Variants in SFMBT2 observed in about 807,000 individuals in gnomAD.
SFMBT2 encodes scm-like with four MBT domains protein 2.
SFMBT2 carries 38 observed loss-of-function variants against 110.1 expected under a neutral mutation model. The observed-to-expected ratio is 0.35, with a 90% CI of 0.27 to 0.45. The LOEUF (loss-of-function observed/expected upper bound fraction) is 0.45, where lower values mean the gene tolerates loss of function less well. Among genes scored for constraint, SFMBT2 ranks in the 20% least tolerant of loss-of-function variants. The pLI, the probability that SFMBT2 is intolerant of heterozygous loss-of-function variation, is 1.00. For missense variants in SFMBT2, 1,011 were observed against 1,094.9 expected (o/e 0.92, Z 1.08); for synonymous variants, 425 against 425.4 (o/e 1.00, Z 0.01).
intron 9 of SFMBT2, among the ~76,000 whole-genome samples, chr10:7,235,090 T>C (rs1349902801): frequency 6.6e-6 from 1 of 152,170 alleles, no homozygotes; most frequent in African/African-American, 2.4e-5. Context: ...AGCTTTCCAA[T>C]TCCGTGGGAC....
chr10:7,310,657 C>T, intron 4 of SFMBT2, among the ~76,000 whole-genome samples: 1 of 152,150 alleles, frequency 6.6e-6, no homozygotes, highest in Non-Finnish European at 1.5e-5. Context: ...TTTTCTTTTG[C>T]TAAGGCTCAT....
Position 7,381,405 on chromosome 10 carries a change from T to A in SFMBT2, c.100+394A>T, listed in dbSNP as rs529832290. Among the ~76,000 whole-genome samples, 16 of 152,342 alleles carry A rather than the reference T, an allele frequency of 1.1e-4. No individual in the cohort carries two copies. In the South Asian group the frequency reaches 3.1e-3, roughly 30 times the overall value. On this transcript the variant is annotated intron_variant, in intron 2 of 20. Coordinates refer to ENST00000397167, the MANE Select transcript of SFMBT2 (RefSeq NM_001387889.1). Reference sequence around the variant, plus strand: ...CAACTAACTTCCTGTCAAGGGGTTCTGAGCAAAAATGGCATTTGTCTCTTG... The same window carrying A: ...CAACTAACTTCCTGTCAAGGGGTTCAGAGCAAAAATGGCATTTGTCTCTTG...
intron 15 of SFMBT2, 119 bp downstream of exon 15, chr10:7,197,429 G>A (rs1478084791): frequency 7.3e-7 from 1 of 1,366,642 alleles, no homozygotes; most frequent in Non-Finnish European, 1.0e-6. Flanking sequence ...GAGAACGGAG[G>A]TCTCGGTAAA....
intron 1 of SFMBT2, among the ~76,000 whole-genome samples, chr10:7,398,666 T>G (rs939013445): frequency 6.6e-6 from 1 of 152,174 alleles, no homozygotes; most frequent in Non-Finnish European, 1.5e-5. Context: ...AGCAGAGATG[T>G]AGTCACACTG....
chr10:7,346,346 A>T (rs1458369611), intron 4 of SFMBT2, among the ~76,000 whole-genome samples: 1 of 152,198 alleles, frequency 6.6e-6, no homozygotes, highest in African/African-American at 2.4e-5. Context: ...CATTCATCTT[A>T]AACAGTAAAA....
Position 7,162,252 on chromosome 10 carries a change from C to T in SFMBT2, c.*1518G>A, listed in dbSNP as rs1448835785. 6.6e-6 allele frequency: 1 copy of T among 152,190 alleles called. No individual in the cohort carries two copies. The highest frequency in any genetic ancestry group is 1.5e-5 in the Non-Finnish European group (1 of 68,054). 9.4% of individuals were successfully genotyped at this position (152,190 alleles called of 1,614,324 possible). On this transcript the variant is annotated 3_prime_UTR_variant, in exon 21 of 21. Transcript: ENST00000397167. The stretch of plus-strand genomic sequence containing the variant: ...AAGAATGGCCGAGTCAGAACTGGGA[C>T]CAGACCCTTCTTATTCTTTCTTTTT...
chr10:7,166,231 A>C (rs1737027991), intron 20 of SFMBT2, among the ~76,000 whole-genome samples: 1 of 152,234 alleles, frequency 6.6e-6, no homozygotes, highest in African/African-American at 2.4e-5. Flanking sequence ...ATGCCCAGAA[A>C]AGCTAGCCAA....
chr10:7,172,481 C>A lies in SFMBT2; in HGVS notation c.2151+14G>T. On this transcript the variant is annotated intron_variant, in intron 18 of 20. Transcript: ENST00000397167. This position sits in a 1 kb window ranked among gnomAD's most constrained non-coding sequence, Gnocchi z 4.6. ...CAGAGCTACAGGCTGGCAGGTGCCC[C>A]GGGCAGAACATACCTCCCCCGAGCC... The A allele has an allele frequency of 1.9e-6, 3 of 1,613,222 alleles. No individual in the cohort carries two copies. Among genetic ancestry groups the A allele is most frequent in the Non-Finnish European group, 2.5e-6 (3 of 1,180,028 alleles).
intron 2 of SFMBT2, among the ~76,000 whole-genome samples, chr10:7,377,955 T>TTG (rs1275161102): frequency 2.7e-5 from 1 of 36,614 alleles, no homozygotes; most frequent in African/African-American, 6.7e-5. Flanking sequence ...CCCCAAAATT[T>TTG]TGTGTGGGGG....
At chr10:7,188,113 A>T (rs1838476379) in intron 16 of SFMBT2, among the ~76,000 whole-genome samples, 1 of 152,242 alleles carries the variant, frequency 6.6e-6, no homozygotes, top group Non-Finnish European at 1.5e-5. Context: ...CAAATAAAAG[A>T]AAGTTACTTG....
intron 4 of SFMBT2, among the ~76,000 whole-genome samples, chr10:7,313,644 TTTTTGC>T (rs1262833983): frequency 1.3e-5 from 2 of 152,116 alleles, no homozygotes; most frequent in African/African-American, 4.8e-5. Flanking sequence ...TTTGTTTTTG[TTTTTGC>T]TGTTTTGTTT....
chr10:7,210,803 T>C (rs1839322690), intron 11 of SFMBT2, among the ~76,000 whole-genome samples: 1 of 151,900 alleles, frequency 6.6e-6, no homozygotes, highest in South Asian at 2.1e-4. Flanking sequence ...GCCGAAGGCC[T>C]GGGAAAACAA....
At chr10:7,257,416 A>C (rs1373918560) in intron 7 of SFMBT2, among the ~76,000 whole-genome samples, 1 of 152,268 alleles carries the variant, frequency 6.6e-6, no homozygotes, top group African/African-American at 2.4e-5. Flanking sequence ...ATTCAGGAGG[A>C]GTGAACCATC....
chr10:7,296,281 C>G (rs921999026), intron 4 of SFMBT2, among the ~76,000 whole-genome samples: 1 of 152,194 alleles, frequency 6.6e-6, no homozygotes, highest in Non-Finnish European at 1.5e-5. Context: ...AAAGAGTCAG[C>G]CACTTTTCTT....
At chr10:7,323,888 C>A (rs983187575) in intron 4 of SFMBT2, among the ~76,000 whole-genome samples, 1 of 152,054 alleles carries the variant, frequency 6.6e-6, no homozygotes, top group Non-Finnish European at 1.5e-5. Flanking sequence ...GTTATAGAGA[C>A]AGAGACATAG....
intron 7 of SFMBT2, chr10:7,249,674 G>T: frequency 2.5e-6 from 1 of 395,034 alleles, no homozygotes; most frequent in Non-Finnish European, 3.4e-6. Context: ...ACAGAGCCCA[G>T]TCGGGCAGTG....
chr10:7,391,430 C>T (rs1053543033), intron 1 of SFMBT2, among the ~76,000 whole-genome samples: 1 of 149,754 alleles, frequency 6.7e-6, no homozygotes, highest in Non-Finnish European at 1.5e-5. Context: ...AGCGCTACTG[C>T]ACTCCAGCCT....
intron 4 of SFMBT2, among the ~76,000 whole-genome samples, chr10:7,334,738 G>A (rs770064217): frequency 5.3e-5 from 8 of 152,276 alleles, no homozygotes; most frequent in South Asian, 2.1e-4. Flanking sequence ...CTGACTTGCC[G>A]TTTCCCACTG....
At chr10:7,362,635 A>T (rs1844760324) in intron 4 of SFMBT2, among the ~76,000 whole-genome samples, 1 of 152,212 alleles carries the variant, frequency 6.6e-6, no homozygotes, top group African/African-American at 2.4e-5. Flanking sequence ...ATTCCCAAAC[A>T]TTCCCAGGCT....
Sources: allele counts gnomAD v4.1 joint callset (sites outside exome capture counted in the v4.1 genomes callset), GRCh38; gene constraint gnomAD v4.1.1; non-coding constraint Gnocchi (gnomAD v3.1); transcripts MANE v1.5; gene names NCBI Gene and HGNC (gene_info 2026-07-23, HGNC 2026-07-21).